The following NDUFA7 variants were observed in gnomAD, a reference collection of about 807,000 sequenced individuals.
The protein encoded by NDUFA7 is NADH:ubiquinone oxidoreductase subunit A7.
In NDUFA7, 18 loss-of-function variants were observed where a neutral mutation model predicts 14.2. The observed-to-expected ratio is 1.27, with a 90% CI of 0.88 to 1.88. The LOEUF is 1.88. Ranked by LOEUF, NDUFA7 falls within the 40% of genes most tolerant of loss-of-function variation. The pLI, the probability that NDUFA7 is intolerant of heterozygous loss-of-function variation, is 0.00. For missense variants in NDUFA7, 172 were observed against 147.3 expected, an observed-to-expected ratio of 1.17 and a Z score of -0.87; for synonymous variants, 75 against 62.1, an observed-to-expected ratio of 1.21 and a Z score of -0.98.
chr19:8,312,737 G>A (rs1970192550), intron 3 of NDUFA7, among the ~76,000 whole-genome samples: 1 of 151,754 alleles, frequency 6.6e-6, no homozygotes, highest in African/African-American at 2.4e-5. Flanking sequence ...TCTCAGCTCA[G>A]TGAAGCTTCC....
chr19:8,312,013 GA>G (rs763971757), intron 3 of NDUFA7, among the ~76,000 whole-genome samples: 15 of 152,262 alleles, frequency 9.9e-5, no homozygotes, highest in Non-Finnish European at 1.8e-4. Flanking sequence ...GACTGGGCAA[GA>G]ACTGCATGGC....
At chr19:8,318,257 T>C (rs1970259074) in intron 2 of NDUFA7, among the ~76,000 whole-genome samples, 1 of 151,844 alleles carries the variant, frequency 6.6e-6, no homozygotes, top group Non-Finnish European at 1.5e-5. Flanking sequence ...TTCAAGCGAT[T>C]TTCCTGCATC....
downstream of NDUFA7, among the ~76,000 whole-genome samples, chr19:8,310,266 C>A (rs952685402): frequency 1.3e-5 from 2 of 151,940 alleles, no homozygotes; most frequent in Non-Finnish European, 2.9e-5. Context: ...CCCGTCTCTA[C>A]TAAAAATACA....
chr19:8,309,482 A>G (rs1425272162), downstream of NDUFA7, among the ~76,000 whole-genome samples: 1 of 152,070 alleles, frequency 6.6e-6, no homozygotes, highest in Non-Finnish European at 1.5e-5. Context: ...TCAAAAAAAA[A>G]AAAAAGTTGT....
chr19:8,321,334 G>A lies in NDUFA7; in HGVS notation c.25C>T (p.Gln9Ter). ...CCGGACGCCCAGTTCCGCAGCCGCT[G>A]GATGAGACGGGTGGCGGACGCCATC... MASATRLI[Q>*]RLRNWASGHD... Residue 9 changes from glutamine (Q) to a stop codon, truncating the protein, a stop_gained, in exon 1 of 4, where the codon CAG becomes TAG. Transcript: ENST00000301457. LOFTEE classifies it high-confidence loss of function. 2 of 1,580,118 alleles carry A rather than the reference G, an allele frequency of 1.3e-6. No individual in the cohort carries two copies. The highest frequency in any genetic ancestry group is 1.8e-5 in the Admixed American group (1 of 55,346).
At chr19:8,309,331 G>T (rs887489640), downstream of NDUFA7, among the ~76,000 whole-genome samples, 1 of 152,020 alleles carries the variant, frequency 6.6e-6, no homozygotes, top group South Asian at 2.1e-4. Flanking sequence ...AAAATTAGCC[G>T]GGTGTGGTAA....
chr19:8,315,638 GATGAATA>G (rs1192688316), intron 3 of NDUFA7, among the ~76,000 whole-genome samples: 2 of 152,074 alleles, frequency 1.3e-5, no homozygotes, highest in Non-Finnish European at 2.9e-5. Flanking sequence ...ACCCAATAAT[GATGAATA>G]AATACTAAGG....
At chr19:8,309,663 C>T (rs1435278843), downstream of NDUFA7, among the ~76,000 whole-genome samples, 1 of 152,096 alleles carries the variant, frequency 6.6e-6, no homozygotes, top group African/African-American at 2.4e-5. Context: ...AGGTGTTAGC[C>T]TTTGTAGGAC....
chr19:8,316,702 CTGT>C, intron 2 of NDUFA7, 57 bp from the exon 3 acceptor site: 1 of 1,576,912 alleles, frequency 6.3e-7, no homozygotes, highest in Non-Finnish European at 8.7e-7. Flanking sequence ...CATGGCCCCG[CTGT>C]GGGCCCCTGT....
Position 8,321,292 on chromosome 19 carries a change from T to C in NDUFA7, c.51+16A>G. ...CCCGAAGCCCCCCATGGTGCAGCCC[T>C]GTCCGCCCCGCGCACCCCGGACGCC... On this transcript the variant is annotated intron_variant, in intron 1 of 3. Coordinates refer to ENST00000301457, the MANE Select transcript of NDUFA7 (RefSeq NM_005001.5). 1 of 1,560,764 alleles carries C rather than the reference T, an allele frequency of 6.4e-7. No homozygotes were observed. The highest frequency in any genetic ancestry group is 1.9e-5 in the Admixed American group (1 of 53,252).
At chr19:8,313,316 C>T (rs1289695279) in intron 3 of NDUFA7, among the ~76,000 whole-genome samples, 2 of 151,904 alleles carry the variant, frequency 1.3e-5, no homozygotes, top group African/African-American at 2.4e-5. Flanking sequence ...CTGCAAGCTC[C>T]GCCTCCCGGG....
At chr19:8,311,168 A>G (rs1970172261), downstream of NDUFA7, 1 of 166,696 alleles carries the variant, frequency 6.0e-6, no homozygotes, top group Non-Finnish European at 1.3e-5. Context: ...AGCAGCCCTC[A>G]CTGTCCTTTG....
chr19:8,311,586 T>G lies in NDUFA7; in HGVS notation c.261A>C (p.Val87=), dbSNP rs750634969. 7 of 1,611,998 alleles carry G rather than the reference T, an allele frequency of 4.3e-6. No individual in the cohort carries two copies. The African/African-American group carries it at 9.4e-5, about 22-fold the overall frequency. ...VSGKPAESSA[V]AATEKKAVTP... ...TCACCGCCTTCTTCTCAGTGGCAGC[T>G]ACAGCAGAGCTGGAGGAGGGAAAGA... The change falls in exon 4 of 4, where the codon GTA becomes GTC. Residue 87 remains valine, a synonymous_variant. Coordinates refer to ENST00000301457, the MANE Select transcript of NDUFA7 (RefSeq NM_005001.5).
intron 2 of NDUFA7, 39 bp downstream of exon 2, chr19:8,320,818 A>G (rs762146155): frequency 1.9e-6 from 3 of 1,612,996 alleles, no homozygotes; most frequent in Non-Finnish European, 2.5e-6. Flanking sequence ...TGGAGAAAGG[A>G]CAGAGCCAGA....
chr19:8,320,221 T>G (rs1231708004), intron 2 of NDUFA7, among the ~76,000 whole-genome samples: 2 of 152,210 alleles, frequency 1.3e-5, no homozygotes, highest in African/African-American at 4.8e-5. Flanking sequence ...CAACTGTCAA[T>G]TTCCAAAGAA....
chr19:8,309,399 G>A (rs1970147772), downstream of NDUFA7, among the ~76,000 whole-genome samples: 1 of 151,920 alleles, frequency 6.6e-6, no homozygotes, highest in Non-Finnish European at 1.5e-5. Context: ...GCTTGAACCC[G>A]GGAGGCGGAG....
chr19:8,320,852 C>T lies in NDUFA7; in HGVS notation c.101+5G>A. The T allele has an allele frequency of 6.2e-7, 1 of 1,613,710 alleles. No homozygotes were observed. Among genetic ancestry groups the T allele is most frequent in the South Asian group, 1.1e-5 (1 of 91,084 alleles). On this transcript the variant is annotated splice_donor_5th_base_variant and intron_variant, in intron 2 of 3. Coordinates refer to ENST00000301457, the MANE Select transcript of NDUFA7 (RefSeq NM_005001.5). ...GAGGCTGGGCAGCGAGCGGGGCCTGCTCACCGCTTGGAGATCTCCTGGTAG... is the reference window on the plus strand; with the variant it reads ...GAGGCTGGGCAGCGAGCGGGGCCTGTTCACCGCTTGGAGATCTCCTGGTAG...
Position 8,311,465 on chromosome 19 carries a change from C to G in NDUFA7, c.*40G>C. The stretch of plus-strand genomic sequence containing the variant: ...GGTCACATTCTCCCTGGAGGAAATC[C>G]AAGGAGGCAAAGTAGTCGGGTGGCC... On this transcript the variant is annotated 3_prime_UTR_variant, in exon 4 of 4. Transcript: ENST00000301457. 1.3e-6 allele frequency: 2 copies of G among 1,515,778 alleles called. No homozygotes were observed. Among genetic ancestry groups the G allele is most frequent in the Non-Finnish European group, 1.8e-6 (2 of 1,109,664 alleles). The allele number at this position is 1,515,778 out of a possible 1,614,324, so 93.9% of individuals were successfully genotyped here. A position where few individuals can be genotyped will look rare whatever the true frequency, so the allele number is the denominator to read the frequency against.
intron 2 of NDUFA7, among the ~76,000 whole-genome samples, chr19:8,319,048 C>T (rs1251927837): frequency 6.7e-6 from 1 of 150,238 alleles, no homozygotes; most frequent in Non-Finnish European, 1.5e-5. Context: ...AAAGTCAAAA[C>T]TTTCACAAAG....
Sources: gnomAD v4.1 joint callset for allele counts (sites outside exome capture counted in the v4.1 genomes callset) on GRCh38, gnomAD v4.1.1 for gene constraint, MANE v1.5 for transcripts, NCBI Gene and HGNC (gene_info 2026-07-23, HGNC 2026-07-21) for gene names.